Variants in ZNF462 observed in about 807,000 individuals in gnomAD.
The protein encoded by ZNF462 is zinc finger PBX1-interacting protein.
A neutral mutation model predicts 201.9 loss-of-function variants in ZNF462; 10 were observed. The observed-to-expected ratio is 0.05, with a 90% CI of 0.03 to 0.08. The LOEUF (loss-of-function observed/expected upper bound fraction) is 0.08, where lower values mean the gene tolerates loss of function less well. ZNF462 is among the 10% of genes least tolerant of loss of function. The probability of loss-of-function intolerance (pLI) is 1.00; values close to 1 mark genes in which losing one functional copy is unlikely to be tolerated. For synonymous variants in ZNF462, 1,227 were observed against 1,193.3 expected (o/e 1.03, Z -0.58); for missense variants, 2,523 against 3,168.3 (o/e 0.80, Z 4.89).
intron 10 of ZNF462, among the ~76,000 whole-genome samples, chr9:106,999,529 A>G (rs1829017065): frequency 6.6e-6 from 1 of 152,212 alleles, no homozygotes; most frequent in Admixed American, 6.5e-5. Flanking sequence ...GTAAACTATC[A>G]TATGCCTACT....
In ZNF462 at chr9:106,927,688, A is replaced by G. The variant is rs1830256719; in HGVS notation, c.3776A>G (p.Lys1259Arg). ...TCCCCCTCTAATCTGGAGCGGGACAAAACGAAACTCCGAGCACTCAAATGT... is the reference window on the plus strand; with the variant it reads ...TCCCCCTCTAATCTGGAGCGGGACAGAACGAAACTCCGAGCACTCAAATGT... ...LVSPSNLERD[K>R]TKLRALKCRQ... The change falls in exon 3 of 13, where the codon AAA becomes AGA. Residue 1259 changes from lysine (K) to arginine (R), a missense_variant. Coordinates refer to ENST00000277225, the MANE Select transcript of ZNF462 (RefSeq NM_021224.6). 2 of 1,614,070 alleles carry G rather than the reference A, an allele frequency of 1.2e-6. 1 individual carries two copies. The highest frequency in any genetic ancestry group is 4.5e-5 in the East Asian group (2 of 44,854).
At chr9:106,862,527 C>CA (rs1340783495), upstream of ZNF462, among the ~76,000 whole-genome samples, 1 of 152,020 alleles carries the variant, frequency 6.6e-6, no homozygotes, top group African/African-American at 2.4e-5. This position sits in a 1 kb window ranked among gnomAD's most constrained non-coding sequence, Gnocchi z 4.2. Context: ...CCCTCTTCCC[C>CA]TTCTCCTTCT....
At chr9:106,904,025 G>A (rs1414200393) in intron 1 of ZNF462, among the ~76,000 whole-genome samples, 1 of 151,932 alleles carries the variant, frequency 6.6e-6, no homozygotes, top group Admixed American at 6.6e-5. Flanking sequence ...TTGTTTTATA[G>A]GTCCTGTGTG....
rs1279569124 is a variant in ZNF462 at position 106,962,365 on chromosome 9, G to T, written c.6428-9640G>T. On this transcript the variant is annotated intron_variant, in intron 7 of 12. Coordinates refer to ENST00000277225, the MANE Select transcript of ZNF462 (RefSeq NM_021224.6). This position sits in a 1 kb window ranked among gnomAD's most constrained non-coding sequence, Gnocchi z 4.6. Reference sequence around the variant, plus strand: ...TTCATTGACTGGGTGAATGAATGGTGATGTCATTGACAAAAAATATAGAAA... The same window carrying T: ...TTCATTGACTGGGTGAATGAATGGTTATGTCATTGACAAAAAATATAGAAA... Among the ~76,000 whole-genome samples, 1 of 151,998 alleles carries T rather than the reference G, an allele frequency of 6.6e-6. No homozygotes were observed. Among genetic ancestry groups the T allele is most frequent in the East Asian group, 1.9e-4 (1 of 5,166 alleles).
At position 106,919,216 on chromosome 9, in the gene ZNF462, G is replaced by T. The variant is rs1829894158; in HGVS notation, c.-30-4138G>T. On this transcript the variant is annotated intron_variant, in intron 1 of 12. Coordinates refer to ENST00000277225, the MANE Select transcript of ZNF462 (RefSeq NM_021224.6). The surrounding 1 kb of genome is among the most constrained non-coding windows in gnomAD (Gnocchi z 4.5). ...TGCTCCTGGGCCCTCAAACTAAAGA[G>T]CAGTGTTTGCCAAGCTGACCTGGAC... Among the ~76,000 whole-genome samples the T allele has an allele frequency of 6.6e-6, 1 of 152,330 alleles. No individual in the cohort carries two copies. Among genetic ancestry groups the T allele is most frequent in the South Asian group, 2.1e-4 (1 of 4,824 alleles).
chr9:106,958,655 A>T (rs896787462), intron 7 of ZNF462, among the ~76,000 whole-genome samples: 23 of 152,126 alleles, frequency 1.5e-4, no homozygotes, highest in Non-Finnish European at 2.8e-4. Flanking sequence ...AAGGAAGCTG[A>T]GATGCCCTTA....
intron 1 of ZNF462, among the ~76,000 whole-genome samples, chr9:106,914,943 A>G (rs1048759025): frequency 1.3e-5 from 2 of 152,148 alleles, no homozygotes; most frequent in African/African-American, 4.8e-5. Context: ...TGAATAATAA[A>G]ATGTAAGGGA....
rs758226459 is a variant in ZNF462, at chr9:106,928,164, C to T, written c.4252C>T (p.Leu1418Phe). Reference protein sequence around the residue: ...KEKDAVEKPILSSEELAGPVN... With the variant: ...KEKDAVEKPIFSSEELAGPVN... ...GAAAGATGCTGTGGAGAAGCCCATT[C>T]TTTCATCCGAAGAGTTGGCAGGCCC... The change falls in exon 3 of 13, where the codon CTT (leucine) becomes TTT (phenylalanine). Residue 1418 changes from leucine (L) to phenylalanine (F), a missense_variant. This residue lies in a region of ZNF462 where 165 missense variants were observed against 142.6 expected (regional missense o/e 1.16). Transcript: ENST00000277225. This position sits in a 1 kb window ranked among gnomAD's most constrained non-coding sequence, Gnocchi z 9.3. 6.2e-7 allele frequency: 1 copy of T among 1,614,164 alleles called. No individual in the cohort carries two copies. The highest frequency in any genetic ancestry group is 1.1e-5 in the South Asian group (1 of 91,084).
Position 107,003,975 on chromosome 9 carries a change from A to T in ZNF462, c.7189+549A>T, listed in dbSNP as rs1310752416. On this transcript the variant is annotated intron_variant, in intron 11 of 12. Coordinates refer to ENST00000277225, the MANE Select transcript of ZNF462 (RefSeq NM_021224.6). The surrounding 1 kb of genome is among the most constrained non-coding windows in gnomAD (Gnocchi z 4.4). ...GAGAGACCACCTCTTTCATTCAACT[A>T]TGTATTTACAGAATACACTGGGGAA... Among the ~76,000 whole-genome samples the T allele has an allele frequency of 6.6e-6, 1 of 152,134 alleles. No homozygotes were observed. Among genetic ancestry groups the T allele is most frequent in the African/African-American group, 2.4e-5 (1 of 41,428 alleles).
In ZNF462 at chr9:106,872,420, G is replaced by A. The variant is rs552347320; in HGVS notation, c.-31+9065G>A. Among the ~76,000 whole-genome samples the A allele has an allele frequency of 1.3e-5, 2 of 152,278 alleles. No homozygotes were observed. The highest frequency in any genetic ancestry group is 1.3e-4 in the Admixed American group (2 of 15,300). ...GCTCTGTCTCCCAGGCTGGAGTGCAGTGGCACGATCTCCACTTAAGCAACT... is the reference window on the plus strand; with the variant it reads ...GCTCTGTCTCCCAGGCTGGAGTGCAATGGCACGATCTCCACTTAAGCAACT... On this transcript the variant is annotated intron_variant, in intron 1 of 12. Coordinates refer to ENST00000277225, the MANE Select transcript of ZNF462 (RefSeq NM_021224.6). This position sits in a 1 kb window ranked among gnomAD's most constrained non-coding sequence, Gnocchi z 4.5.
At chr9:106,875,762 A>G (rs1417394471) in intron 1 of ZNF462, among the ~76,000 whole-genome samples, 1 of 152,234 alleles carries the variant, frequency 6.6e-6, no homozygotes, top group Non-Finnish European at 1.5e-5. Flanking sequence ...TCACTGGGCC[A>G]GATTGTCATT....
rs367994956 is a variant in ZNF462 at position 106,880,007 on chromosome 9, C to T, written c.-31+16652C>T. Among the ~76,000 whole-genome samples the T allele has an allele frequency of 2.6e-4, 40 of 152,236 alleles. 1 individual carries two copies. Among genetic ancestry groups the T allele is most frequent in the African/African-American group, 9.6e-4 (40 of 41,556 alleles). On this transcript the variant is annotated intron_variant, in intron 1 of 12. Coordinates refer to ENST00000277225, the MANE Select transcript of ZNF462 (RefSeq NM_021224.6). This position sits in a 1 kb window ranked among gnomAD's most constrained non-coding sequence, Gnocchi z 4.1. ...CTCTTGGAATCGTGGATCCTTGTAG[C>T]AGTTGAACATGATAGTTGAATTGTT...
At chr9:106,921,058 G>C (rs1829970520) in intron 1 of ZNF462, among the ~76,000 whole-genome samples, 2 of 152,302 alleles carry the variant, frequency 1.3e-5, no homozygotes, top group South Asian at 4.1e-4. Flanking sequence ...GATGCAGACA[G>C]ACTGGCTGGT....
intron 7 of ZNF462, among the ~76,000 whole-genome samples, chr9:106,943,005 C>T (rs1180961824): frequency 1.3e-5 from 2 of 151,082 alleles, no homozygotes; most frequent in African/African-American, 2.4e-5. Context: ...AAAATCAGAC[C>T]AGGTGCAAAA....
rs984350517 is a variant in ZNF462 at position 106,978,661 on chromosome 9, A to G, written c.6832+4388A>G. The G allele has an allele frequency of 6.6e-6, 1 of 151,972 alleles. No individual in the cohort carries two copies. The highest frequency in any genetic ancestry group is 1.9e-4 in the East Asian group (1 of 5,218). The allele number at this position is 151,972 out of a possible 1,614,324, so 9.4% of individuals were successfully genotyped here. A position where few individuals can be genotyped will look rare whatever the true frequency, so the allele number is the denominator to read the frequency against. On this transcript the variant is annotated intron_variant, in intron 9 of 12. Transcript: ENST00000277225. This position sits in a 1 kb window ranked among gnomAD's most constrained non-coding sequence, Gnocchi z 4.1. ...GTGGTAGGACTTTTGGTAGGTTTTC[A>G]TTCATGCAACAAATATTTATTGAAC... is the stretch of plus-strand genomic sequence containing the variant.
chr9:106,879,341 C>CT (rs560536320), intron 1 of ZNF462, among the ~76,000 whole-genome samples: 1 of 114,102 alleles, frequency 8.8e-6, no homozygotes, highest in Non-Finnish European at 1.8e-5. Context: ...CACCCCCCCC[C>CT]CCACCCCCCA....
intron 10 of ZNF462, among the ~76,000 whole-genome samples, chr9:106,991,881 CAA>C (rs1564158189): frequency 7.2e-6 from 1 of 139,444 alleles, no homozygotes; most frequent in African/African-American, 2.7e-5. Flanking sequence ...CACACACACA[CAA>C]CAATCAAAAT....
chr9:106,946,244 C>T (rs1831100306), intron 7 of ZNF462, among the ~76,000 whole-genome samples: 1 of 152,204 alleles, frequency 6.6e-6, no homozygotes, highest in African/African-American at 2.4e-5. Context: ...TCAAGTCTTC[C>T]AGACCTCATT....
intron 10 of ZNF462, among the ~76,000 whole-genome samples, chr9:106,986,801 G>A (rs1827867160): frequency 6.6e-6 from 1 of 151,950 alleles, no homozygotes. Context: ...AAAGTCCATT[G>A]TATTATTCTT....
Sources: gnomAD v4.1 joint callset for allele counts (sites outside exome capture counted in the v4.1 genomes callset) on GRCh38, gnomAD v4.1.1 for gene constraint, gnomAD v4.1.1 regional missense constraint, Gnocchi (gnomAD v3.1) non-coding constraint, MANE v1.5 for transcripts, NCBI Gene and HGNC (gene_info 2026-07-23, HGNC 2026-07-21) for gene names.